Variants in CRISPLD1 observed in about 807,000 individuals in gnomAD.
CRISPLD1 encodes cysteine-rich secretory protein LCCL domain-containing 1.
Under a neutral mutation model 77.5 loss-of-function variants are expected in CRISPLD1, and 60 were observed. The ratio of observed to expected loss-of-function variants is 0.77; its 90% CI spans 0.63 to 0.96. CRISPLD1 has a LOEUF of 0.96. Ranked by LOEUF, CRISPLD1 falls within the 40% of genes least tolerant of loss-of-function variation. The pLI, the probability that CRISPLD1 is intolerant of heterozygous loss-of-function variation, is 0.00. For missense variants in CRISPLD1, 623 were observed against 615.8 expected (o/e 1.01, Z -0.12); for synonymous variants, 195 against 200.1 (o/e 0.97, Z 0.22).
chr8:75,023,879 A>AT (rs1050200047), intron 12 of CRISPLD1, among the ~76,000 whole-genome samples: 2 of 152,116 alleles, frequency 1.3e-5, no homozygotes, highest in African/African-American at 4.8e-5. Context: ...TTGAGAGTAG[A>AT]TTTTTTAAAA....
intron 10 of CRISPLD1, 70 bp from the exon 11 acceptor site, chr8:75,019,800 G>A: frequency 8.1e-7 from 1 of 1,239,818 alleles, no homozygotes; most frequent in Non-Finnish European, 1.2e-6. Flanking sequence ...AGACTTGAAA[G>A]ATACCAGAAA....
At chr8:75,025,652 A>G (rs1294844331) in intron 13 of CRISPLD1, 31 bp downstream of exon 13, 2 of 1,069,686 alleles carry the variant, frequency 1.9e-6, no homozygotes, top group South Asian at 1.3e-5. Context: ...AGCTGTCAAC[A>G]TTCATGTATA....
chr8:74,988,258 C>G (rs1023548762), intron 2 of CRISPLD1, among the ~76,000 whole-genome samples: 1 of 152,100 alleles, frequency 6.6e-6, no homozygotes. Context: ...TTATTCAAAT[C>G]GTTATTTAAA....
intron 2 of CRISPLD1, among the ~76,000 whole-genome samples, chr8:75,006,225 A>T (rs1429652272): frequency 1.3e-5 from 2 of 152,154 alleles, no homozygotes. Flanking sequence ...CCATATTGTG[A>T]ATTATATCAT....
At chr8:75,031,567 C>G (rs7834646) in intron 14 of CRISPLD1, among the ~76,000 whole-genome samples, 3,599 of 65,682 alleles carry the variant, frequency 0.055, 126 homozygotes, top group African/African-American at 0.26. Flanking sequence ...ATTGAATGCT[C>G]TGTGTGTGTG....
chr8:75,005,301 T>G (rs1372713572), intron 2 of CRISPLD1, among the ~76,000 whole-genome samples: 3 of 152,158 alleles, frequency 2.0e-5, no homozygotes, highest in Non-Finnish European at 4.4e-5. Context: ...CTAAGTCTTT[T>G]CGATTTAAGT....
intron 2 of CRISPLD1, among the ~76,000 whole-genome samples, chr8:74,999,303 T>C (rs1587007969): frequency 6.6e-6 from 1 of 152,218 alleles, no homozygotes; most frequent in East Asian, 1.9e-4. Flanking sequence ...ACACAGTCTA[T>C]TTAGTAAGCC....
chr8:75,019,756 TAGTA>T, intron 10 of CRISPLD1, 110 bp from the exon 11 acceptor site: 1 of 738,926 alleles, frequency 1.4e-6, no homozygotes, highest in Non-Finnish European at 2.3e-6. Context: ...TTGTCTATTT[TAGTA>T]AGTGTTTAAA....
chr8:75,001,825 C>CTAT (rs1812746931), intron 2 of CRISPLD1, among the ~76,000 whole-genome samples: 1 of 152,116 alleles, frequency 6.6e-6, no homozygotes, highest in African/African-American at 2.4e-5. Context: ...CATCATAGCA[C>CTAT]TATTCCATTT....
At chr8:75,006,774 G>A (rs952318672) in intron 2 of CRISPLD1, among the ~76,000 whole-genome samples, 4 of 151,900 alleles carry the variant, frequency 2.6e-5, no homozygotes, top group African/African-American at 7.3e-5. Context: ...GGTCTCTGTG[G>A]TAGACTAATT....
At chr8:75,021,705 A>AT (rs959996938) in intron 12 of CRISPLD1, among the ~76,000 whole-genome samples, 9 of 152,200 alleles carry the variant, frequency 5.9e-5, no homozygotes, top group South Asian at 2.1e-4. Context: ...TTGGAGAAAT[A>AT]TTTTTTTCAG....
chr8:75,007,718 G>A (rs1161121019), intron 2 of CRISPLD1, among the ~76,000 whole-genome samples: 1 of 141,490 alleles, frequency 7.1e-6, no homozygotes. Context: ...TGTGGCCCAG[G>A]CTAGAGTGCA....
At chr8:74,992,244 T>C (rs1056293854) in intron 2 of CRISPLD1, among the ~76,000 whole-genome samples, 3 of 152,164 alleles carry the variant, frequency 2.0e-5, no homozygotes, top group Non-Finnish European at 2.9e-5. Context: ...GAGATATCGA[T>C]GTGGGAAATT....
rs552836088 is a variant in CRISPLD1 at position 75,004,671 on chromosome 8, A to G, written c.259-7762A>G. On this transcript the variant is annotated intron_variant, in intron 2 of 14. Transcript: ENST00000262207. The stretch of plus-strand genomic sequence containing the variant: ...CACAAAAGATTTGGGGAGGGATCGA[A>G]ATAAGATGGATGATTTACAAACCTG... 1.8e-4 allele frequency among the ~76,000 whole-genome samples: 27 copies of G among 152,254 alleles called. 1 individual carries two copies. In the South Asian group the frequency reaches 5.4e-3, roughly 30 times the overall value.
At chr8:75,030,859 TACAC>T (rs10588958) in intron 14 of CRISPLD1, among the ~76,000 whole-genome samples, 15,949 of 151,872 alleles carry the variant, frequency 0.11, 887 homozygotes, top group South Asian at 0.12. Flanking sequence ...AATGTATATA[TACAC>T]ACACATATAG....
At chr8:75,023,073 TAAAAAAA>T (rs397891797) in intron 12 of CRISPLD1, among the ~76,000 whole-genome samples, 1 of 112,054 alleles carries the variant, frequency 8.9e-6, no homozygotes, top group Non-Finnish European at 2.0e-5. Flanking sequence ...AAATTGTAGG[TAAAAAAA>T]AAAAAAAAAA....
intron 2 of CRISPLD1, among the ~76,000 whole-genome samples, chr8:75,007,138 T>A (rs1280929011): frequency 6.6e-6 from 1 of 152,152 alleles, no homozygotes; most frequent in Non-Finnish European, 1.5e-5. Context: ...AGTACTATAA[T>A]AATTTTGAAG....
At chr8:75,001,843 T>G (rs1165803031) in intron 2 of CRISPLD1, among the ~76,000 whole-genome samples, 1 of 152,210 alleles carries the variant, frequency 6.6e-6, no homozygotes, top group Non-Finnish European at 1.5e-5. Context: ...TTTTCTTATC[T>G]GCTTACTTAT....
chr8:75,012,959 A>C lies in CRISPLD1; in HGVS notation c.447A>C (p.Glu149Asp). 6.2e-7 allele frequency: 1 copy of C among 1,612,964 alleles called. No homozygotes were observed. The highest frequency in any genetic ancestry group is 8.5e-7 in the Non-Finnish European group (1 of 1,179,340). The change falls in exon 4 of 15, where the codon GAA becomes GAC. Residue 149 changes from glutamate (E) to aspartate (D), a missense_variant. Physicochemically the swap from Glu to Asp is conservative, Grantham distance 45. Coordinates refer to ENST00000262207, the MANE Select transcript of CRISPLD1 (RefSeq NM_031461.6). ...TGAAAGACTTTAGCTACCCATATGAACATGAATGCAACCCATATTGTCCAT... is the reference window on the plus strand; with the variant it reads ...TGAAAGACTTTAGCTACCCATATGACCATGAATGCAACCCATATTGTCCAT... ...DEVKDFSYPYEHECNPYCPFR... is the reference protein window; with the variant it reads ...DEVKDFSYPYDHECNPYCPFR...
Sources: allele counts gnomAD v4.1 joint callset (sites outside exome capture counted in the v4.1 genomes callset), GRCh38; gene constraint gnomAD v4.1.1; transcripts MANE v1.5; gene names NCBI Gene and HGNC (gene_info 2026-07-23, HGNC 2026-07-21).